The following CA5A variants were observed in gnomAD, a reference collection of about 807,000 sequenced individuals.
CA5A encodes carbonic anhydrase 5A.
In CA5A, 28 loss-of-function variants were observed where a neutral mutation model predicts 37.1. The observed-to-expected ratio is 0.75, with a 90% CI of 0.56 to 1.03. The LOEUF is 1.03. Ranked by LOEUF, CA5A falls within the 50% of genes least tolerant of loss-of-function variation. The pLI is 0.00. For synonymous variants in CA5A, 171 were observed against 158.4 expected (o/e 1.08, Z -0.60); for missense variants, 444 against 399.9 (o/e 1.11, Z -0.94).
chr16:87,927,125 C>G (rs1433248709), intron 1 of CA5A, among the ~76,000 whole-genome samples, 180 bp from the exon 2 acceptor site: 3 of 152,268 alleles, frequency 2.0e-5, no homozygotes, highest in Non-Finnish European at 4.4e-5. Context: ...GGGTACTCGC[C>G]TGCTCCTCTC....
At chr16:87,895,837 A>G (rs1271936406) in intron 5 of CA5A, among the ~76,000 whole-genome samples, 1 of 152,152 alleles carries the variant, frequency 6.6e-6, no homozygotes, top group African/African-American at 2.4e-5. Context: ...CATGAGTTAG[A>G]GCTGTGTCCT....
At position 87,893,083 on chromosome 16, in the gene CA5A, G is replaced by T. The variant is rs138895292; in HGVS notation, c.619-1129C>A. On this transcript the variant is annotated intron_variant, in intron 5 of 6. Coordinates refer to ENST00000649794, the MANE Select transcript of CA5A (RefSeq NM_001739.2). ...ATGCAGTCTCTCAAGCCCCGAGGCT[G>T]CCTGAAGGAACAGTTTGCCTAGAGA... 7.2e-4 allele frequency: 592 copies of T among 822,000 alleles called. 1 individual carries two copies. The African/African-American group carries it at 9.3e-3, about 13-fold the overall frequency. 50.9% of individuals were successfully genotyped at this position (822,000 alleles called of 1,614,324 possible).
downstream of CA5A, chr16:87,885,783 G>T (rs1332449192): frequency 6.6e-6 from 1 of 152,266 alleles, no homozygotes; most frequent in Non-Finnish European, 1.5e-5. Flanking sequence ...CTCCTCCTTT[G>T]GTCTCTGCCC....
At chr16:87,901,475 G>C (rs545792294) in intron 5 of CA5A, among the ~76,000 whole-genome samples, 2 of 152,226 alleles carry the variant, frequency 1.3e-5, no homozygotes, top group East Asian at 3.8e-4. Flanking sequence ...TCCAGAACTG[G>C]AACCACAGCC....
chr16:87,888,389 A>G, intron 6 of CA5A, 117 bp from the exon 7 acceptor site: 1 of 854,484 alleles, frequency 1.2e-6, no homozygotes, highest in Non-Finnish European at 1.8e-6. Flanking sequence ...GCCCGAAATG[A>G]TCAATAAATA....
At chr16:87,929,595 A>G (rs146040330) in intron 1 of CA5A, among the ~76,000 whole-genome samples, 283 of 151,844 alleles carry the variant, frequency 1.9e-3, no homozygotes, top group South Asian at 7.3e-3. Context: ...CCATCAGGCC[A>G]GGTGCAGTTG....
intron 5 of CA5A, among the ~76,000 whole-genome samples, chr16:87,899,903 G>A (rs1597551506): frequency 9.1e-6 from 1 of 109,882 alleles, no homozygotes; most frequent in African/African-American, 3.5e-5. Context: ...CTGGGCAACA[G>A]AGCGAGATTT....
rs2056470326 is a variant in CA5A at position 87,936,319 on chromosome 16, G to C, written c.132C>G (p.Ser44Arg). The C allele has an allele frequency of 1.2e-6, 2 of 1,612,626 alleles. No homozygotes were observed. The highest frequency in any genetic ancestry group is 4.5e-5 in the East Asian group (2 of 44,868). ...TGAGGCTCTACTTACAAGTGTTATTGCTGGTTTGCCATGCACAGGAACGCT... is the reference window on the plus strand; with the variant it reads ...TGAGGCTCTACTTACAAGTGTTATTCCTGGTTTGCCATGCACAGGAACGCT... ...CSQRSCAWQT[S>R]NNTLHPLWTV... The change falls in exon 1 of 7, where the codon AGC becomes AGG. Residue 44 changes from serine (S) to arginine (R), a missense_variant. Transcript: ENST00000649794.
intron 1 of CA5A, among the ~76,000 whole-genome samples, chr16:87,928,180 G>A (rs1439875669): frequency 6.6e-6 from 1 of 152,082 alleles, no homozygotes; most frequent in African/African-American, 2.4e-5. Context: ...ATGGAATAGT[G>A]CGTTTTTGAG....
chr16:87,925,826 C>G (rs1469588620), intron 2 of CA5A, among the ~76,000 whole-genome samples: 1 of 152,054 alleles, frequency 6.6e-6, no homozygotes, highest in East Asian at 1.9e-4. Flanking sequence ...CCCTCCACCA[C>G]CGTCTCCCAC....
rs372043258 is a variant in CA5A at position 87,901,903 on chromosome 16, G to T, written c.618+9C>A. 1.2e-6 allele frequency: 2 copies of T among 1,609,128 alleles called. No individual in the cohort carries two copies. The highest frequency in any genetic ancestry group is 1.7e-6 in the Non-Finnish European group (2 of 1,176,676). On this transcript the variant is annotated intron_variant, in intron 5 of 6. Coordinates refer to ENST00000649794, the MANE Select transcript of CA5A (RefSeq NM_001739.2). Reference sequence around the variant, plus strand: ...CGCCCGGCCTGCTGATTTCAAATATGCAGCTTACCTTATGTTTTATTTCCG... The same window carrying T: ...CGCCCGGCCTGCTGATTTCAAATATTCAGCTTACCTTATGTTTTATTTCCG...
chr16:87,935,446 C>T (rs528952284), intron 1 of CA5A, among the ~76,000 whole-genome samples: 26 of 152,326 alleles, frequency 1.7e-4, no homozygotes, highest in South Asian at 6.2e-4. Context: ...CAGCCCATTC[C>T]GCCGGGTCTG....
At chr16:87,890,556 C>T (rs1567513770) in intron 6 of CA5A, among the ~76,000 whole-genome samples, 1 of 152,284 alleles carries the variant, frequency 6.6e-6, no homozygotes, top group East Asian at 1.9e-4. Flanking sequence ...CTTGGACAGA[C>T]AGAATTGCTA....
intron 1 of CA5A, among the ~76,000 whole-genome samples, chr16:87,934,789 A>G (rs1003771881): frequency 6.6e-6 from 1 of 152,032 alleles, no homozygotes; most frequent in African/African-American, 2.4e-5. Context: ...GCGAAATCCT[A>G]TCTCTACTAA....
chr16:87,933,125 C>G (rs1463668132), intron 1 of CA5A, among the ~76,000 whole-genome samples: 1 of 152,224 alleles, frequency 6.6e-6, no homozygotes, highest in Non-Finnish European at 1.5e-5. Flanking sequence ...AGAAGACTCA[C>G]ACACACCTGA....
intron 2 of CA5A, among the ~76,000 whole-genome samples, chr16:87,919,240 T>A (rs1213860068): frequency 1.3e-5 from 2 of 152,086 alleles, no homozygotes; most frequent in Non-Finnish European, 2.9e-5. Flanking sequence ...CAGCTCGGGG[T>A]CCATGGCCAG....
intron 3 of CA5A, among the ~76,000 whole-genome samples, chr16:87,903,415 G>C (rs1209771261): frequency 6.6e-6 from 1 of 152,138 alleles, no homozygotes; most frequent in Non-Finnish European, 1.5e-5. Context: ...CTCCAGCCTA[G>C]GCAACAGAGT....
chr16:87,912,933 G>A (rs968103785), intron 2 of CA5A, among the ~76,000 whole-genome samples: 6 of 152,232 alleles, frequency 3.9e-5, no homozygotes, highest in African/African-American at 9.6e-5. Context: ...GGGCAACAGG[G>A]TCGGCGCCGG....
At chr16:87,887,243 A>G (rs1419981448), downstream of CA5A, 1 of 150,856 alleles carries the variant, frequency 6.6e-6, no homozygotes, top group Non-Finnish European at 1.5e-5. Flanking sequence ...CAAATTGTGT[A>G]TGTTTTCTGG....
Sources: allele counts gnomAD v4.1 joint callset (sites outside exome capture counted in the v4.1 genomes callset), GRCh38; gene constraint gnomAD v4.1.1; transcripts MANE v1.5; gene names NCBI Gene and HGNC (gene_info 2026-07-23, HGNC 2026-07-21).